The following RIMS1 variants were observed in gnomAD, a reference collection of about 807,000 sequenced individuals.
RIMS1 encodes regulating synaptic membrane exocytosis protein 1.
A neutral mutation model predicts 214.1 loss-of-function variants in RIMS1; 83 were observed. That is an observed-to-expected ratio of 0.39 (90% CI 0.32 to 0.47). RIMS1 has a LOEUF of 0.47. Ranked by LOEUF, RIMS1 falls within the 20% of genes least tolerant of loss-of-function variation. The pLI is 0.99. For missense variants in RIMS1, 2,050 were observed against 2,161.8 expected (o/e 0.95, Z 1.03); for synonymous variants, 793 against 786.8 (o/e 1.01, Z -0.13).
intron 2 of RIMS1, among the ~76,000 whole-genome samples, chr6:71,984,632 G>A (rs951622888): frequency 6.6e-6 from 1 of 152,146 alleles, no homozygotes; most frequent in Admixed American, 6.5e-5. Context: ...CTATTACTCA[G>A]ACGTCTGTTT....
At chr6:72,352,497 T>A (rs2097489712) in intron 29 of RIMS1, among the ~76,000 whole-genome samples, 1 of 152,224 alleles carries the variant, frequency 6.6e-6, no homozygotes, top group Non-Finnish European at 1.5e-5. Flanking sequence ...TAATTTGATA[T>A]ATTAGCTAAC....
chr6:72,310,650 C>T (rs998221265), intron 27 of RIMS1, among the ~76,000 whole-genome samples: 2 of 151,896 alleles, frequency 1.3e-5, no homozygotes, highest in Non-Finnish European at 2.9e-5. Flanking sequence ...CTTATTTGCC[C>T]TCTGTAGGAT....
chr6:72,333,565 A>G, intron 28 of RIMS1, 35 bp from the exon 29 acceptor site: 1 of 1,428,418 alleles, frequency 7.0e-7, no homozygotes, highest in Non-Finnish European at 9.7e-7. Flanking sequence ...CCTGTAATTT[A>G]TGGATGCATA....
At chr6:72,230,336 A>AGG (rs2061551118) in intron 6 of RIMS1, among the ~76,000 whole-genome samples, 1 of 151,684 alleles carries the variant, frequency 6.6e-6, no homozygotes, top group Non-Finnish European at 1.5e-5. Context: ...AAGAAGTTCA[A>AGG]ATTTTCTAAT....
intron 24 of RIMS1, among the ~76,000 whole-genome samples, chr6:72,289,606 A>C (rs1164241918): frequency 1.3e-5 from 2 of 152,262 alleles, no homozygotes; most frequent in East Asian, 3.9e-4. Flanking sequence ...GTTGTTCTTG[A>C]ATGAATAAGA....
chr6:72,073,766 T>C (rs746375862), intron 2 of RIMS1, among the ~76,000 whole-genome samples: 1 of 152,204 alleles, frequency 6.6e-6, no homozygotes, highest in Non-Finnish European at 1.5e-5. Context: ...CCTTTATCTA[T>C]GTAATTACTT....
intron 1 of RIMS1, among the ~76,000 whole-genome samples, chr6:71,962,854 AC>A (rs1335405574): frequency 1.3e-5 from 2 of 151,866 alleles, no homozygotes; most frequent in African/African-American, 4.8e-5. Context: ...TATTATAGAA[AC>A]CCTTTCTCTA....
intron 4 of RIMS1, among the ~76,000 whole-genome samples, chr6:72,142,456 A>G (rs1016446782): frequency 2.0e-5 from 3 of 152,076 alleles, no homozygotes; most frequent in African/African-American, 7.2e-5. Flanking sequence ...TGTCTATGAT[A>G]TGACCTCTTT....
chr6:72,287,111 G>C (rs575988365), intron 24 of RIMS1, among the ~76,000 whole-genome samples: 1 of 152,238 alleles, frequency 6.6e-6, no homozygotes, highest in African/African-American at 2.4e-5. Context: ...CCATTCTAGT[G>C]ACTTTTCTTC....
intron 1 of RIMS1, among the ~76,000 whole-genome samples, chr6:71,954,025 A>G (rs1044763357): frequency 6.6e-6 from 1 of 152,216 alleles, no homozygotes. Flanking sequence ...TTAAAGTAAT[A>G]GGAGTAGATG....
chr6:71,925,671 G>C (rs563028602), intron 1 of RIMS1, among the ~76,000 whole-genome samples: 1 of 152,212 alleles, frequency 6.6e-6, no homozygotes, highest in South Asian at 2.1e-4. Flanking sequence ...TTGTGGGAAA[G>C]GCAAAGGTGC....
chr6:72,015,599 T>C (rs954257727), intron 2 of RIMS1, among the ~76,000 whole-genome samples: 8 of 152,212 alleles, frequency 5.3e-5, no homozygotes, highest in Admixed American at 4.6e-4. Context: ...GCAGACAATC[T>C]GGTCTTGTTA....
At chr6:72,260,580 C>G in intron 18 of RIMS1, 125 bp from the exon 19 acceptor site, 1 of 1,294,468 alleles carries the variant, frequency 7.7e-7, no homozygotes, top group African/African-American at 1.5e-5. Context: ...TTTAACCTCT[C>G]AAGCAAATAT....
intron 6 of RIMS1, among the ~76,000 whole-genome samples, chr6:72,223,471 C>T (rs2059169897): frequency 6.6e-6 from 1 of 151,878 alleles, no homozygotes; most frequent in African/African-American, 2.4e-5. Flanking sequence ...ATTTTAATAT[C>T]AAAAGTGATT....
At position 72,048,534 on chromosome 6, in the gene RIMS1, CAAAAT is replaced by C. The variant is rs201620202; in HGVS notation, c.246-48408_246-48404del. Reference sequence around the variant, plus strand: ...GATAACATCTATAGGATGTAGAAAACAAAATAAAATAGAAAAAAAAGTTTGAGAAA... The same window carrying C: ...GATAACATCTATAGGATGTAGAAAACAAAATAGAAAAAAAAGTTTGAGAAA... On this transcript the variant is annotated intron_variant, in intron 2 of 33. Coordinates refer to ENST00000521978, the MANE Select transcript of RIMS1 (RefSeq NM_014989.7). Among the ~76,000 whole-genome samples the C allele has an allele frequency of 7.4e-3, 1,128 of 151,828 alleles. 9 individuals are homozygous for C. Among genetic ancestry groups the C allele is most frequent in the African/African-American group, 0.026 (1,067 of 41,394 alleles).
At chr6:72,261,351 A>G in intron 19 of RIMS1, 2 of 988,428 alleles carry the variant, frequency 2.0e-6, no homozygotes, top group Middle Eastern at 5.2e-4. Flanking sequence ...GAAATGCTGC[A>G]GTACAAACTT....
intron 6 of RIMS1, among the ~76,000 whole-genome samples, chr6:72,191,720 G>A (rs1356564211): frequency 6.6e-6 from 1 of 152,234 alleles, no homozygotes; most frequent in Admixed American, 6.5e-5. Flanking sequence ...ACCAGGAGAT[G>A]TGTTAATTTG....
intron 2 of RIMS1, among the ~76,000 whole-genome samples, chr6:71,992,418 CTT>C (rs1303669084): frequency 1.4e-5 from 1 of 73,450 alleles, no homozygotes; most frequent in African/African-American, 6.3e-5. Flanking sequence ...TTCTTTCTTT[CTT>C]TCTTTCTTTC....
chr6:72,138,526 C>T (rs533044369), intron 4 of RIMS1, among the ~76,000 whole-genome samples: 8 of 151,972 alleles, frequency 5.3e-5, no homozygotes, highest in Non-Finnish European at 1.0e-4. Context: ...TGTTTGTATA[C>T]GTTTGTATGA....
Sources: allele counts gnomAD v4.1 joint callset (sites outside exome capture counted in the v4.1 genomes callset), GRCh38; gene constraint gnomAD v4.1.1; transcripts MANE v1.5; gene names NCBI Gene and HGNC (gene_info 2026-07-23, HGNC 2026-07-21).